Variants in TCF12 observed in about 807,000 individuals in gnomAD.
TCF12 encodes the protein transcription factor 12.
A neutral mutation model predicts 86.0 loss-of-function variants in TCF12; 45 were observed. That is an observed-to-expected ratio of 0.52 (90% CI 0.41 to 0.67). The LOEUF (loss-of-function observed/expected upper bound fraction) is 0.67, where lower values mean the gene tolerates loss of function less well. TCF12 is among the 30% of genes least tolerant of loss of function. The pLI is 0.00. For missense variants in TCF12, 881 were observed against 859.9 expected (o/e 1.02, Z -0.31); for synonymous variants, 330 against 299.6 (o/e 1.10, Z -1.05).
At chr15:57,246,799 C>T (rs1267764449) in intron 13 of TCF12, among the ~76,000 whole-genome samples, 1 of 152,170 alleles carries the variant, frequency 6.6e-6, no homozygotes, top group Non-Finnish European at 1.5e-5. Flanking sequence ...CCTGTTTCAG[C>T]TGCAGTAACT....
rs567020181 is a variant in TCF12 at position 56,999,754 on chromosome 15, G to A, written c.149-63996G>A. On this transcript the variant is annotated intron_variant, in intron 3 of 20. Coordinates refer to ENST00000333725, the MANE Select transcript of TCF12 (RefSeq NM_207037.2). The stretch of plus-strand genomic sequence containing the variant: ...CTGGGCGTGGTGGTGCATGCCTGTA[G>A]TCCCAGCGCCTCAGGAGGCTGAGGC... 3.7e-4 allele frequency among the ~76,000 whole-genome samples: 57 copies of A among 152,154 alleles called. 1 individual carries two copies. Among genetic ancestry groups the A allele is most frequent in the African/African-American group, 1.3e-3 (53 of 41,514 alleles).
intron 8 of TCF12, among the ~76,000 whole-genome samples, chr15:57,208,709 A>AT (rs544365470): frequency 5.6e-4 from 81 of 145,440 alleles, no homozygotes; most frequent in South Asian, 1.3e-3. Context: ...TTAAAAAAAA[A>AT]TTTTTTTTTT....
intron 8 of TCF12, among the ~76,000 whole-genome samples, chr15:57,213,299 CT>C (rs1470684470): frequency 6.6e-6 from 1 of 152,200 alleles, no homozygotes; most frequent in Non-Finnish European, 1.5e-5. Context: ...AAAGATACGT[CT>C]TTTCATAAAT....
intron 4 of TCF12, among the ~76,000 whole-genome samples, chr15:57,078,014 G>A (rs1367591989): frequency 6.6e-6 from 1 of 152,112 alleles, no homozygotes; most frequent in African/African-American, 2.4e-5. Context: ...CTGACACAAT[G>A]CATGGATATT....
chr15:57,218,926 C>G (rs1207542920), intron 8 of TCF12: 2 of 594,294 alleles, frequency 3.4e-6, no homozygotes, highest in African/African-American at 4.0e-5. Context: ...GGTCTGCTTT[C>G]TCCAGGAAGT....
In TCF12 at chr15:56,918,777, C is replaced by T. The variant is rs971191316; in HGVS notation, c.-152C>T. ...CCAGGCCCGAAAGCCGCCTCCCCCT[C>T]CCAGACCCGAGAGCTCGTGCGGGGC... On this transcript the variant is annotated 5_prime_UTR_variant, in exon 1 of 21. Transcript: ENST00000333725. 5 of 163,554 alleles carry T rather than the reference C, an allele frequency of 3.1e-5. No individual in the cohort carries two copies. Among genetic ancestry groups the T allele is most frequent in the East Asian group, 1.9e-4 (1 of 5,218 alleles). The allele number at this position is 163,554 out of a possible 1,614,324, so 10.1% of individuals were successfully genotyped here.
At chr15:57,080,809 T>C (rs1192171019) in intron 4 of TCF12, among the ~76,000 whole-genome samples, 3 of 152,192 alleles carry the variant, frequency 2.0e-5, no homozygotes, top group Admixed American at 6.5e-5. Context: ...CAAATCATTA[T>C]CATAAACTTT....
intron 5 of TCF12, among the ~76,000 whole-genome samples, chr15:57,152,014 A>G (rs1018540306): frequency 2.6e-5 from 4 of 152,196 alleles, no homozygotes; most frequent in Non-Finnish European, 5.9e-5. Flanking sequence ...ATGAAATACT[A>G]ACAGAAAAGT....
rs146609396 is a variant in TCF12, at chr15:57,048,685, T to C, written c.149-15065T>C. Among the ~76,000 whole-genome samples, 572 of 152,318 alleles carry C rather than the reference T, an allele frequency of 3.8e-3. 4 individuals carry two copies. Among genetic ancestry groups the C allele is most frequent in the African/African-American group, 0.013 (558 of 41,568 alleles). On this transcript the variant is annotated intron_variant, in intron 3 of 20. Coordinates refer to ENST00000333725, the MANE Select transcript of TCF12 (RefSeq NM_207037.2). ...CCTATCATTTTGGTTTGTATCGAGT[T>C]ACAATTTTAATGAACATAATTTGCT...
intron 5 of TCF12, among the ~76,000 whole-genome samples, chr15:57,115,702 A>G (rs1409931276): frequency 6.6e-6 from 1 of 152,182 alleles, no homozygotes; most frequent in Non-Finnish European, 1.5e-5. Flanking sequence ...TAAATTAGTC[A>G]AGTTCTGTTG....
chr15:56,959,687 G>C (rs1370291927), intron 3 of TCF12, among the ~76,000 whole-genome samples: 2 of 152,078 alleles, frequency 1.3e-5, no homozygotes, highest in Non-Finnish European at 2.9e-5. Context: ...TTCTTGTTTT[G>C]ACTCGGCTTT....
chr15:57,090,248 TG>T (rs2048908025), intron 4 of TCF12, among the ~76,000 whole-genome samples: 1 of 151,844 alleles, frequency 6.6e-6, no homozygotes, highest in Non-Finnish European at 1.5e-5. Flanking sequence ...AACAAAAAAA[TG>T]GTAAGCTCTG....
At chr15:56,979,560 A>T (rs186654224) in intron 3 of TCF12, among the ~76,000 whole-genome samples, 20 of 152,306 alleles carry the variant, frequency 1.3e-4, no homozygotes, top group Middle Eastern at 3.4e-3. Flanking sequence ...TGTTTTTAGG[A>T]AGCAGAATGT....
intron 7 of TCF12, among the ~76,000 whole-genome samples, chr15:57,193,350 T>G (rs2057082405): frequency 6.6e-6 from 1 of 152,232 alleles, no homozygotes; most frequent in Non-Finnish European, 1.5e-5. Flanking sequence ...CACCCCTATC[T>G]AGTTCTGAAA....
intron 16 of TCF12, among the ~76,000 whole-genome samples, chr15:57,257,133 T>C (rs769610253): frequency 6.6e-6 from 1 of 152,216 alleles, no homozygotes; most frequent in Non-Finnish European, 1.5e-5. Flanking sequence ...CAAGCTCCTT[T>C]ATTTACAAAA....
chr15:56,941,455 C>T (rs1312750162), intron 3 of TCF12, among the ~76,000 whole-genome samples: 11 of 151,800 alleles, frequency 7.2e-5, no homozygotes, highest in Non-Finnish European at 1.5e-4. Flanking sequence ...TCACTGCAAC[C>T]TCTGGCTCCC....
intron 3 of TCF12, among the ~76,000 whole-genome samples, chr15:57,062,032 C>G (rs1198854283): frequency 6.6e-6 from 1 of 152,056 alleles, no homozygotes; most frequent in Non-Finnish European, 1.5e-5. Context: ...TCTCGGCTCA[C>G]TGCAACCTCC....
chr15:56,955,655 A>G (rs1289048863), intron 3 of TCF12, among the ~76,000 whole-genome samples: 1 of 152,214 alleles, frequency 6.6e-6, no homozygotes, highest in Non-Finnish European at 1.5e-5. Context: ...TATGGTTTGA[A>G]ATATGGTTTG....
chr15:57,198,631 C>T (rs1021182097), intron 8 of TCF12, among the ~76,000 whole-genome samples: 3 of 152,086 alleles, frequency 2.0e-5, no homozygotes, highest in Non-Finnish European at 4.4e-5. Context: ...GTGCAAAAAA[C>T]GGAAGTTTTT....
Sources: gnomAD v4.1 joint callset for allele counts (sites outside exome capture counted in the v4.1 genomes callset) on GRCh38, gnomAD v4.1.1 for gene constraint, MANE v1.5 for transcripts, NCBI Gene and HGNC (gene_info 2026-07-23, HGNC 2026-07-21) for gene names.